The following EOMES variants were observed in gnomAD, a reference collection of about 807,000 sequenced individuals.
EOMES encodes eomesodermin homolog.
In EOMES, 18 loss-of-function variants were observed where a neutral mutation model predicts 61.0. That is an observed-to-expected ratio of 0.30 (90% CI 0.20 to 0.44). The LOEUF (loss-of-function observed/expected upper bound fraction) is 0.44, where lower values mean the gene tolerates loss of function less well. EOMES is among the 20% of genes least tolerant of loss of function. The pLI is 1.00. For synonymous variants in EOMES, 430 were observed against 394.0 expected (o/e 1.09, Z -1.08); for missense variants, 885 against 939.2 (o/e 0.94, Z 0.75).
chr3:27,719,658 C>T (rs1290553529), intron 2 of EOMES, among the ~76,000 whole-genome samples, 177 bp from the exon 3 acceptor site: 3 of 152,168 alleles, frequency 2.0e-5, no homozygotes, highest in Admixed American at 2.0e-4. Flanking sequence ...CATCCATATC[C>T]CTCCCAGGCC....
chr3:27,717,323 T>A lies in EOMES; in HGVS notation c.1865A>T (p.Asp622Val). ...SRTSPTVFSE[D>V]QLSKEKVKEE... ...TTTCACTTTCTCCTTGGAGAGCTGA[T>A]CTTCAGAGAACACAGTGGGGCTTGT... The change falls in exon 6 of 6, where the codon GAT (aspartate) becomes GTT (valine). Residue 622 changes from aspartate to valine, a missense_variant. Around this residue, in one of 3 missense-constraint regions of EOMES, gnomAD observed 259 missense variants for 282.3 expected, o/e 0.92. Transcript: ENST00000449599. This position sits in a 1 kb window ranked among gnomAD's most constrained non-coding sequence, Gnocchi z 4.5. 1.9e-6 allele frequency: 3 copies of A among 1,614,188 alleles called. No homozygotes were observed. The South Asian group carries it at 3.3e-5, about 18-fold the overall frequency.
rs1344016464 is a variant in EOMES, at chr3:27,721,201, C to T, written c.881+213G>A. Among the ~76,000 whole-genome samples, 1 of 152,096 alleles carries T rather than the reference C, an allele frequency of 6.6e-6. No individual in the cohort carries two copies. Among genetic ancestry groups the T allele is most frequent in the Non-Finnish European group, 1.5e-5 (1 of 68,010 alleles). ...ATGGGAGGGAAAAGCGGTGTACAGC[C>T]GTAACATTGGCACCCTGCAAGAGCC... On this transcript the variant is annotated intron_variant, in intron 1 of 5. Coordinates refer to ENST00000449599, the MANE Select transcript of EOMES (RefSeq NM_001278182.2). The surrounding 1 kb of genome is among the most constrained non-coding windows in gnomAD (Gnocchi z 7.4).
intron 3 of EOMES, 56 bp from the exon 4 acceptor site, chr3:27,718,949 C>A: frequency 1.5e-6 from 2 of 1,334,076 alleles, no homozygotes; most frequent in Middle Eastern, 2.1e-4. Flanking sequence ...AGTGGTTCAA[C>A]AAAATTAGAT....
At chr3:27,718,991 T>G (rs2060590241) in intron 3 of EOMES, 98 bp from the exon 4 acceptor site, 1 of 870,098 alleles carries the variant, frequency 1.1e-6, no homozygotes, top group Non-Finnish European at 1.7e-6. Context: ...GTATTGGACT[T>G]CTAAATGCTC....
chr3:27,719,039 T>C, intron 3 of EOMES, 146 bp from the exon 4 acceptor site: 1 of 670,980 alleles, frequency 1.5e-6, no homozygotes, highest in Non-Finnish European at 2.5e-6. Context: ...TTTAAAGGTC[T>C]CATTATTGCC....
At chr3:27,720,678 T>G (rs1350637469) in intron 1 of EOMES, among the ~76,000 whole-genome samples, 1 of 150,476 alleles carries the variant, frequency 6.6e-6, no homozygotes, top group Non-Finnish European at 1.5e-5. Flanking sequence ...TGTTAAAAAC[T>G]ACTAATTTTT....
intron 2 of EOMES, 118 bp downstream of exon 2, chr3:27,720,053 A>G: frequency 1.1e-6 from 1 of 942,514 alleles, no homozygotes. Flanking sequence ...TAACACCTCT[A>G]GGCCTCAGAA....
Position 27,718,595 on chromosome 3 carries a change from G to T in EOMES, c.1371C>A (p.Asn457Lys). 1 of 1,610,546 alleles carries T rather than the reference G, an allele frequency of 6.2e-7. No homozygotes were observed. Among genetic ancestry groups the T allele is most frequent in the Non-Finnish European group, 8.5e-7 (1 of 1,177,008 alleles). The part of the protein sequence containing the change: ...HNPFAKGFRD[N>K]YDSMYTASEN... ...ATAAAAGCTGCACTTACGAATCATA[G>T]TTGTCTCTGAAGCCTTTTGCAAAGG... The change falls in exon 5 of 6, where the codon AAC becomes AAA. Residue 457 changes from asparagine to lysine, a missense_variant. Physicochemically the swap from Asn to Lys is moderately conservative, Grantham distance 94. Transcript: ENST00000449599.
chr3:27,718,518 G>T, intron 5 of EOMES, 69 bp downstream of exon 5: 2 of 1,055,308 alleles, frequency 1.9e-6, no homozygotes, highest in Non-Finnish European at 2.8e-6. Context: ...TACATTATCA[G>T]CAAAGTGCCT....
chr3:27,721,791 C>A lies in EOMES; in HGVS notation c.504G>T (p.Ala168=). Residue 168 remains alanine (A), a synonymous_variant, in exon 1 of 6, where the codon GCG becomes GCT. Transcript: ENST00000449599. The surrounding 1 kb of genome is among the most constrained non-coding windows in gnomAD (Gnocchi z 7.4). The part of the protein sequence containing the change: ...APCSLFPYQA[A]AGAPHGPVYP... ...ACACAGGTCCGTGGGGCGCCCCAGC[C>A]GCCGCCTGGTACGGGAAGAGTGAGC... is the stretch of plus-strand genomic sequence containing the variant. 6.7e-7 allele frequency: 1 copy of A among 1,502,384 alleles called. No individual in the cohort carries two copies. The highest frequency in any genetic ancestry group is 2.6e-5 in the East Asian group (1 of 38,126). 93.1% of individuals were successfully genotyped at this position (1,502,384 alleles called of 1,614,324 possible).
rs149280214 is a variant in EOMES, at chr3:27,717,105, T to C, written c.2083A>G (p.Met695Val). The change falls in exon 6 of 6, where the codon ATG (methionine) becomes GTG (valine). Residue 695 changes from methionine to valine, a missense_variant. Physicochemically the swap from Met to Val is conservative, Grantham distance 21. Transcript: ENST00000449599. The surrounding 1 kb of genome is among the most constrained non-coding windows in gnomAD (Gnocchi z 4.5). The stretch of plus-strand genomic sequence containing the variant: ...GTGTAAAAAGCATAATACCCTCCCA[T>C]GCCTTTTGAGGTGTCTTTACTATAC... ...EEYSKDTSKG[M>V]GGYYAFYTTP 1.4e-5 allele frequency: 23 copies of C among 1,612,822 alleles called. No homozygotes were observed. Among genetic ancestry groups the C allele is most frequent in the Middle Eastern group, 3.3e-4 (2 of 6,080 alleles).
At chr3:27,719,298 T>C (rs1054155589) in intron 3 of EOMES, 62 bp downstream of exon 3, 5 of 1,518,764 alleles carry the variant, frequency 3.3e-6, no homozygotes, top group Non-Finnish European at 4.5e-6. Context: ...GTAGGGACTC[T>C]TATTAGAAAA....
At chr3:27,722,556 T>C (rs1167440550), upstream of EOMES, 1 of 1,281,998 alleles carries the variant, frequency 7.8e-7, no homozygotes, top group Non-Finnish European at 9.8e-7. Flanking sequence ...CTCCTTTTCC[T>C]TCCTCGTACC....
In EOMES at chr3:27,716,752, G is replaced by C. The variant is rs978850612; in HGVS notation, c.*318C>G. 2 of 279,316 alleles carry C rather than the reference G, an allele frequency of 7.2e-6. No individual in the cohort carries two copies. The highest frequency in any genetic ancestry group is 1.3e-5 in the Non-Finnish European group (2 of 149,652). The allele number at this position is 279,316 out of a possible 1,614,324, so 17.3% of individuals were successfully genotyped here. On this transcript the variant is annotated 3_prime_UTR_variant, in exon 6 of 6. Transcript: ENST00000449599. ...GTTTTAACTCATCTGATAGCACTGG[G>C]CACCCAATGTTCACAGCCTGCTTCT...
chr3:27,719,618 TA>T, intron 2 of EOMES, 137 bp from the exon 3 acceptor site: 1 of 754,428 alleles, frequency 1.3e-6, no homozygotes, highest in Non-Finnish European at 2.1e-6. Flanking sequence ...AAAAGTTGCT[TA>T]AAGAGGCCAG....
At position 27,717,617 on chromosome 3, in the gene EOMES, G is replaced by A; in HGVS notation, c.1571C>T (p.Pro524Leu). Reference sequence around the variant, plus strand: ...GTTGGCCACCTCTTCGCTCTGTTGGGGTGAAAGGAGGCCGTTGGTCTGTGG... The same window carrying A: ...GTTGGCCACCTCTTCGCTCTGTTGGAGTGAAAGGAGGCCGTTGGTCTGTGG... ...TVPQTNGLLSPQQSEEVANPP... is the reference protein window; with the variant it reads ...TVPQTNGLLSLQQSEEVANPP... Residue 524 changes from proline to leucine, a missense_variant, in exon 6 of 6, where the codon CCC becomes CTC. By Grantham distance (98) the Pro-to-Leu change is moderately conservative. Transcript: ENST00000449599. The surrounding 1 kb of genome is among the most constrained non-coding windows in gnomAD (Gnocchi z 4.5). The A allele has an allele frequency of 6.2e-7, 1 of 1,614,110 alleles. No individual in the cohort carries two copies. Among genetic ancestry groups the A allele is most frequent in the Non-Finnish European group, 8.5e-7 (1 of 1,180,010 alleles).
chr3:27,721,671 G>T lies in EOMES; in HGVS notation c.624C>A (p.Phe208Leu), dbSNP rs1436659569. 6.5e-7 allele frequency: 1 copy of T among 1,532,822 alleles called. No individual in the cohort carries two copies. The highest frequency in any genetic ancestry group is 8.7e-7 in the Non-Finnish European group (1 of 1,143,630). The allele number at this position is 1,532,822 out of a possible 1,614,324, so 95.0% of individuals were successfully genotyped here. Residue 208 changes from phenylalanine (F) to leucine (L), a missense_variant, in exon 1 of 6, where the codon TTC becomes TTA. By Grantham distance (22) the Phe-to-Leu change is conservative. Transcript: ENST00000449599. The surrounding 1 kb of genome is among the most constrained non-coding windows in gnomAD (Gnocchi z 7.4). Reference sequence around the variant, plus strand: ...CACTGCCCGCACCGGCTCCTGGGCCGAACTGCGCCCTCCCGGGTGGGCACA... The same window carrying T: ...CACTGCCCGCACCGGCTCCTGGGCCTAACTGCGCCCTCCCGGGTGGGCACA... ...AAVCPPGRAQFGPGAGAGSGA... is the reference protein window; with the variant it reads ...AAVCPPGRAQLGPGAGAGSGA...
chr3:27,722,596 C>T (rs2060625543), upstream of EOMES: 3 of 1,192,256 alleles, frequency 2.5e-6, no homozygotes, highest in Non-Finnish European at 3.1e-6. Flanking sequence ...CACCCTCCTC[C>T]CAGGCTCACA....
Position 27,722,029 on chromosome 3 carries a change from A to C in EOMES, c.266T>G (p.Phe89Cys), listed in dbSNP as rs1297927016. ...MLSDTDAGDA[F>C]ASAAAVAKPG... ...CTTGGCCACTGCCGCAGCGCTGGCAAATGCGTCCCCGGCGTCGGTGTCACT... is the reference window on the plus strand; with the variant it reads ...CTTGGCCACTGCCGCAGCGCTGGCACATGCGTCCCCGGCGTCGGTGTCACT... Residue 89 changes from phenylalanine to cysteine, a missense_variant, in exon 1 of 6, where the codon TTT (phenylalanine) becomes TGT (cysteine). Transcript: ENST00000449599. 3 of 1,528,122 alleles carry C rather than the reference A, an allele frequency of 2.0e-6. No homozygotes were observed. Among genetic ancestry groups the C allele is most frequent in the Non-Finnish European group, 2.6e-6 (3 of 1,138,370 alleles). 94.7% of individuals were successfully genotyped at this position (1,528,122 alleles called of 1,614,324 possible).
Sources: allele counts gnomAD v4.1 joint callset (sites outside exome capture counted in the v4.1 genomes callset), GRCh38; gene constraint gnomAD v4.1.1; regional missense constraint gnomAD v4.1.1; non-coding constraint Gnocchi (gnomAD v3.1); transcripts MANE v1.5; gene names NCBI Gene and HGNC (gene_info 2026-07-23, HGNC 2026-07-21).